Variants in CACHD1 observed in about 807,000 individuals in gnomAD.
The protein encoded by CACHD1 is VWFA and cache domain-containing protein 1.
CACHD1 carries 71 observed loss-of-function variants against 138.7 expected under a neutral mutation model. The observed-to-expected ratio is 0.51, with a 90% CI of 0.42 to 0.62. The LOEUF (loss-of-function observed/expected upper bound fraction) is 0.62. Ranked by LOEUF, CACHD1 falls within the 20% of genes least tolerant of loss-of-function variation. The probability of loss-of-function intolerance (pLI) is 0.00; values close to 1 mark genes in which losing one functional copy is unlikely to be tolerated. For missense variants in CACHD1, 1,389 were observed against 1,625.3 expected (o/e 0.85, Z 2.50); for synonymous variants, 578 against 591.5 (o/e 0.98, Z 0.33).
intron 1 of CACHD1, among the ~76,000 whole-genome samples, chr1:64,497,937 C>T (rs141573125): frequency 1.2e-4 from 19 of 152,238 alleles, no homozygotes; most frequent in Non-Finnish European, 2.1e-4. Context: ...ACCAGCCTGG[C>T]CAACATGGTG....
At chr1:64,628,226 T>C (rs1028271010) in intron 4 of CACHD1, among the ~76,000 whole-genome samples, 1 of 152,214 alleles carries the variant, frequency 6.6e-6, no homozygotes, top group African/African-American at 2.4e-5. Context: ...TTAATGTATT[T>C]TCTGGTCAAA....
At chr1:64,539,503 C>G (rs1209206287) in intron 1 of CACHD1, among the ~76,000 whole-genome samples, 2 of 152,130 alleles carry the variant, frequency 1.3e-5, no homozygotes, top group African/African-American at 4.8e-5. Flanking sequence ...GACTTTGTAT[C>G]ATAATTATTG....
At chr1:64,480,380 T>G (rs1646201582) in intron 1 of CACHD1, among the ~76,000 whole-genome samples, 1 of 152,332 alleles carries the variant, frequency 6.6e-6, no homozygotes, top group African/African-American at 2.4e-5. Context: ...CCCCTTTTTT[T>G]TCCGCATTTT....
rs181967777 is a variant in CACHD1 at position 64,631,936 on chromosome 1, C to T, written c.645-663C>T. Reference sequence around the variant, plus strand: ...AGGAAAGGGGCCTCTTAGCAGGAGCCTTTGTATGAGAAGAGAGAAACCAAA... The same window carrying T: ...AGGAAAGGGGCCTCTTAGCAGGAGCTTTTGTATGAGAAGAGAGAAACCAAA... On this transcript the variant is annotated intron_variant, in intron 5 of 26. Coordinates refer to ENST00000651257, the MANE Select transcript of CACHD1 (RefSeq NM_020925.4). Among the ~76,000 whole-genome samples the T allele has an allele frequency of 1.4e-4, 21 of 152,130 alleles. No individual in the cohort carries two copies. In the East Asian group the frequency reaches 4.1e-3, roughly 29 times the overall value.
intron 2 of CACHD1, among the ~76,000 whole-genome samples, chr1:64,561,494 A>G (rs980280787): frequency 6.6e-6 from 1 of 152,094 alleles, no homozygotes; most frequent in Non-Finnish European, 1.5e-5. Context: ...TTCCTTTAAT[A>G]TTTCTTGTAG....
chr1:64,661,349 C>G (rs1293244988), intron 13 of CACHD1, among the ~76,000 whole-genome samples: 1 of 152,168 alleles, frequency 6.6e-6, no homozygotes, highest in Admixed American at 6.5e-5. Flanking sequence ...TATAAATAAG[C>G]ATGTCTACCT....
chr1:64,621,232 C>G (rs1489342880), intron 4 of CACHD1, among the ~76,000 whole-genome samples: 1 of 152,144 alleles, frequency 6.6e-6, no homozygotes, highest in Admixed American at 6.6e-5. Flanking sequence ...TTTTAAAAGA[C>G]TGACATTAAA....
At chr1:64,588,672 T>G in intron 3 of CACHD1, among the ~76,000 whole-genome samples, 1 of 152,172 alleles carries the variant, frequency 6.6e-6, no homozygotes, top group Non-Finnish European at 1.5e-5. Flanking sequence ...GCCACCATGC[T>G]GGGCCCAGAT....
chr1:64,587,515 C>G (rs995156990), intron 3 of CACHD1, among the ~76,000 whole-genome samples: 3 of 152,118 alleles, frequency 2.0e-5, no homozygotes, highest in African/African-American at 7.2e-5. Flanking sequence ...TCTTAAAATT[C>G]TTGCACAGGA....
chr1:64,606,367 T>C (rs1372595146), intron 4 of CACHD1, among the ~76,000 whole-genome samples: 1 of 152,068 alleles, frequency 6.6e-6, no homozygotes, highest in Non-Finnish European at 1.5e-5. Context: ...GGGCAGCATA[T>C]CTGGGGCAAA....
rs531666479 is a variant in CACHD1, at chr1:64,491,926, T to G, written c.198+20984T>G. On this transcript the variant is annotated intron_variant, in intron 1 of 26. Coordinates refer to ENST00000651257, the MANE Select transcript of CACHD1 (RefSeq NM_020925.4). ...GTGAGCCACTGCACCCAGCGGTTTT[T>G]TTTGTTTGTTTGTTTTTTGTTTTTT... Among the ~76,000 whole-genome samples the G allele has an allele frequency of 8.0e-5, 12 of 150,228 alleles. No homozygotes were observed. In the South Asian group the frequency reaches 2.3e-3, roughly 29 times the overall value.
chr1:64,532,200 G>A (rs1178722188), intron 1 of CACHD1, among the ~76,000 whole-genome samples: 1 of 152,176 alleles, frequency 6.6e-6, no homozygotes, highest in East Asian at 1.9e-4. Flanking sequence ...TCTTCGAGTG[G>A]TTCTCTGTGT....
intron 4 of CACHD1, 73 bp from the exon 5 acceptor site, chr1:64,629,282 A>G: frequency 6.6e-7 from 1 of 1,524,042 alleles, no homozygotes; most frequent in Non-Finnish European, 8.9e-7. Flanking sequence ...TATGCAAAAC[A>G]GATGCCTGAG....
At chr1:64,616,305 A>G (rs1647705401) in intron 4 of CACHD1, among the ~76,000 whole-genome samples, 1 of 152,208 alleles carries the variant, frequency 6.6e-6, no homozygotes, top group Admixed American at 6.5e-5. Context: ...AGTGACAAGC[A>G]TGTGGTGGTT....
intron 8 of CACHD1, among the ~76,000 whole-genome samples, chr1:64,645,098 A>G (rs1648860060): frequency 6.6e-6 from 1 of 152,208 alleles, no homozygotes; most frequent in South Asian, 2.1e-4. Context: ...CTCTGTCTCA[A>G]AAAATAAAAT....
chr1:64,659,880 C>A (rs929330887), intron 13 of CACHD1, among the ~76,000 whole-genome samples: 1 of 152,180 alleles, frequency 6.6e-6, no homozygotes, highest in Non-Finnish European at 1.5e-5. Context: ...TCTCTAGATT[C>A]CAAATGATAG....
At chr1:64,477,790 G>A (rs1224565286) in intron 1 of CACHD1, among the ~76,000 whole-genome samples, 5 of 150,352 alleles carry the variant, frequency 3.3e-5, no homozygotes, top group South Asian at 2.1e-4. Context: ...GCCTGCCACC[G>A]CGCCCGGCTA....
rs1048972751 is a variant in CACHD1 at position 64,546,702 on chromosome 1, A to T, written c.199-3892A>T. ...CCATTTTCCAAGTCCTCTATTAACC[A>T]GGAAAATCTTTACCCTGAAGTCACA... is the stretch of plus-strand genomic sequence containing the variant. On this transcript the variant is annotated intron_variant, in intron 1 of 26. Coordinates refer to ENST00000651257, the MANE Select transcript of CACHD1 (RefSeq NM_020925.4). 2.0e-5 allele frequency among the ~76,000 whole-genome samples: 3 copies of T among 152,134 alleles called. No homozygotes were observed. The East Asian group carries it at 5.8e-4, about 29-fold the overall frequency.
rs977873977 is a variant in CACHD1, at chr1:64,582,212, C to T, written c.318C>T (p.Asn106=). The T allele has an allele frequency of 6.2e-7, 1 of 1,614,038 alleles. No individual in the cohort carries two copies. Among genetic ancestry groups the T allele is most frequent in the Admixed American group, 1.7e-5 (1 of 60,018 alleles). The part of the protein sequence containing the change: ...FNRYLDVVNR[N]KQVVEASYTA... Reference sequence around the variant, plus strand: ...GTTACTTGGATGTGGTCAATCGGAACAAGCAAGTTGTAGAAGCATCCTATA... The same window carrying T: ...GTTACTTGGATGTGGTCAATCGGAATAAGCAAGTTGTAGAAGCATCCTATA... The change falls in exon 3 of 27, where the codon AAC becomes AAT. Residue 106 remains asparagine (N), a synonymous_variant. Transcript: ENST00000651257.
Sources: allele counts gnomAD v4.1 joint callset (sites outside exome capture counted in the v4.1 genomes callset), GRCh38; gene constraint gnomAD v4.1.1; transcripts MANE v1.5; gene names NCBI Gene and HGNC (gene_info 2026-07-23, HGNC 2026-07-21).